Variants in PCDH15 observed in about 807,000 individuals in gnomAD.
PCDH15 encodes the protein protocadherin related 15.
A neutral mutation model predicts 178.5 loss-of-function variants in PCDH15; 129 were observed. The observed-to-expected ratio is 0.72, with a 90% CI of 0.63 to 0.84. The LOEUF is 0.84. PCDH15 is among the 40% of genes least tolerant of loss of function. PCDH15 has a pLI of 0.00. For synonymous variants in PCDH15, 800 were observed against 732.0 expected (o/e 1.09, Z -1.50); for missense variants, 2,230 against 2,099.9 (o/e 1.06, Z -1.21).
intron 2 of PCDH15, among the ~76,000 whole-genome samples, chr10:55,140,447 C>A (rs541873627): frequency 2.0e-5 from 3 of 151,830 alleles, no homozygotes; most frequent in Admixed American, 6.6e-5. Context: ...TTGTTAAATT[C>A]TTTTTCATCA....
chr10:54,318,973 A>G (rs1354809845), intron 7 of PCDH15, among the ~76,000 whole-genome samples: 1 of 152,164 alleles, frequency 6.6e-6, no homozygotes, highest in African/African-American at 2.4e-5. Context: ...AATGGGTAGT[A>G]ATTTTATTAG....
rs1158971550 is a variant in PCDH15 at position 54,422,268 on chromosome 10, G to T, written c.158-43326C>A. ...ATAAATCAAGACCTATCTTTTACAG[G>T]CTATGTGATTGTGGATGTTACCTCC... On this transcript the variant is annotated intron_variant, in intron 3 of 37. Coordinates refer to ENST00000644397, the MANE Select transcript of PCDH15 (RefSeq NM_001384140.1). 3.3e-5 allele frequency among the ~76,000 whole-genome samples: 5 copies of T among 152,004 alleles called. No homozygotes were observed. In the South Asian group the frequency reaches 1.0e-3, roughly 32 times the overall value.
intron 2 of PCDH15, among the ~76,000 whole-genome samples, chr10:55,417,135 A>T (rs556408825): frequency 6.6e-6 from 1 of 151,820 alleles, no homozygotes; most frequent in South Asian, 2.1e-4. Context: ...ATCATATTCA[A>T]ATTCATTCTC....
chr10:55,149,389 T>C (rs1838631684), intron 2 of PCDH15, among the ~76,000 whole-genome samples: 1 of 151,986 alleles, frequency 6.6e-6, no homozygotes, highest in Non-Finnish European at 1.5e-5. Context: ...CGTATAACCT[T>C]TTAAAAAATA....
intron 9 of PCDH15, among the ~76,000 whole-genome samples, chr10:54,226,841 G>C (rs2053509871): frequency 6.6e-6 from 1 of 152,134 alleles, no homozygotes; most frequent in Non-Finnish European, 1.5e-5. Flanking sequence ...AGGGTCTACA[G>C]GCCCCCAAGT....
At chr10:54,992,454 T>C (rs908871361) in intron 2 of PCDH15, among the ~76,000 whole-genome samples, 18 of 151,892 alleles carry the variant, frequency 1.2e-4, no homozygotes, top group African/African-American at 4.4e-4. Flanking sequence ...GAGAATCCAG[T>C]GAAAAAGGGT....
At chr10:55,140,556 A>G (rs528908550) in intron 2 of PCDH15, among the ~76,000 whole-genome samples, 34 of 152,056 alleles carry the variant, frequency 2.2e-4, no homozygotes, top group African/African-American at 8.2e-4. Flanking sequence ...ACATACTGTT[A>G]AGAAGTTTTA....
At chr10:54,805,982 T>G (rs1294952274), upstream of PCDH15, among the ~76,000 whole-genome samples, 1 of 152,176 alleles carries the variant, frequency 6.6e-6, no homozygotes, top group Non-Finnish European at 1.5e-5. Flanking sequence ...GATTAGGTAT[T>G]ATAAAGTCAA....
At position 54,757,276 on chromosome 10, in the gene PCDH15, CTTTTTT is replaced by C. The variant is rs57411772; in HGVS notation, c.-29+43643_-29+43648del. On this transcript the variant is annotated intron_variant, in intron 1 of 37. Transcript: ENST00000644397. Reference sequence around the variant, plus strand: ...GTTTTTGGCTTGCTCAGAATTCTACCTTTTTTTTTTTTTTTTTTTTTTTTGAGACGG... The same window carrying C: ...GTTTTTGGCTTGCTCAGAATTCTACCTTTTTTTTTTTTTTTTTTGAGACGG... 4.1e-4 allele frequency among the ~76,000 whole-genome samples: 14 copies of C among 34,186 alleles called. 3 individuals carry two copies. The highest frequency in any genetic ancestry group is 5.4e-4 in the African/African-American group (4 of 7,402). The allele number at this position is 34,186 out of a possible 152,430, so 22.4% of individuals were successfully genotyped here.
At chr10:54,075,439 C>G (rs1331826344) in intron 17 of PCDH15, among the ~76,000 whole-genome samples, 1 of 151,940 alleles carries the variant, frequency 6.6e-6, no homozygotes, top group Non-Finnish European at 1.5e-5. Context: ...ATATGATTTG[C>G]AAATATTTTC....
intron 3 of PCDH15, chr10:54,486,459 G>T (rs955530185): frequency 6.6e-6 from 1 of 151,930 alleles, no homozygotes; most frequent in Admixed American, 6.6e-5. Flanking sequence ...TACTTATGAT[G>T]TATAATTAAG....
intron 2 of PCDH15, among the ~76,000 whole-genome samples, chr10:55,518,023 C>A (rs1362312779): frequency 6.6e-6 from 1 of 152,136 alleles, no homozygotes; most frequent in East Asian, 1.9e-4. Context: ...GGCTGAGAGA[C>A]AGGGGCTAAT....
chr10:54,931,903 G>T (rs1464041910), intron 2 of PCDH15, among the ~76,000 whole-genome samples: 1 of 152,110 alleles, frequency 6.6e-6, no homozygotes, highest in Non-Finnish European at 1.5e-5. Flanking sequence ...ATGAAGAGTT[G>T]CTACTTAACC....
At chr10:54,214,550 T>C (rs2051794620) in intron 9 of PCDH15, among the ~76,000 whole-genome samples, 2 of 152,194 alleles carry the variant, frequency 1.3e-5, no homozygotes, top group African/African-American at 4.8e-5. Flanking sequence ...GTAAATTAAA[T>C]ATAGGTTCTG....
At chr10:54,688,214 G>A (rs2095050211) in intron 1 of PCDH15, among the ~76,000 whole-genome samples, 1 of 151,960 alleles carries the variant, frequency 6.6e-6, no homozygotes, top group African/African-American at 2.4e-5. Context: ...TAATGGGAGT[G>A]GTAAAAATTG....
intron 2 of PCDH15, among the ~76,000 whole-genome samples, chr10:55,111,539 A>C (rs1837500878): frequency 6.6e-6 from 1 of 152,162 alleles, no homozygotes; most frequent in South Asian, 2.1e-4. Flanking sequence ...ATTTAAAAAA[A>C]AAAAATTTAA....
At chr10:54,949,344 C>G (rs371304394) in intron 2 of PCDH15, among the ~76,000 whole-genome samples, 1 of 151,764 alleles carries the variant, frequency 6.6e-6, no homozygotes, top group Non-Finnish European at 1.5e-5. Context: ...GAGGAACTAC[C>G]AAACACTGAT....
intron 20 of PCDH15, among the ~76,000 whole-genome samples, chr10:54,012,252 T>A (rs897172167): frequency 6.6e-6 from 1 of 151,630 alleles, no homozygotes; most frequent in Admixed American, 6.6e-5. Flanking sequence ...AAAAAAAGAA[T>A]AAAAAAGAAT....
chr10:55,589,844 A>G (rs922390095), intron 2 of PCDH15, among the ~76,000 whole-genome samples: 1 of 150,738 alleles, frequency 6.6e-6, no homozygotes, highest in Non-Finnish European at 1.5e-5. Context: ...GGGAAATAGG[A>G]ACACTTTTAC....
Sources: allele counts gnomAD v4.1 joint callset (sites outside exome capture counted in the v4.1 genomes callset), GRCh38; gene constraint gnomAD v4.1.1; transcripts MANE v1.5; gene names NCBI Gene and HGNC (gene_info 2026-07-23, HGNC 2026-07-21).